The following MEIS1 variants were observed in gnomAD, a reference collection of about 807,000 sequenced individuals.
MEIS1 encodes the protein Meis homeobox 1.
MEIS1 carries 5 observed loss-of-function variants against 50.8 expected under a neutral mutation model. The observed-to-expected ratio is 0.10, with a 90% confidence interval of 0.05 to 0.21. The LOEUF is 0.21. Among genes scored for constraint, MEIS1 ranks in the 10% least tolerant of loss-of-function variants. The probability of loss-of-function intolerance (pLI) is 1.00; values close to 1 mark genes in which losing one functional copy is unlikely to be tolerated. For synonymous variants in MEIS1, 176 were observed against 179.3 expected (o/e 0.98, Z 0.15); for missense variants, 318 against 517.3 (o/e 0.61, Z 3.74).
chr2:66,439,545 C>T, intron 2 of MEIS1: 1 of 1,504,184 alleles, frequency 6.6e-7, no homozygotes, highest in Non-Finnish European at 8.9e-7. Flanking sequence ...AAAATGGCTG[C>T]TGGAAACGCT....
intron 7 of MEIS1, among the ~76,000 whole-genome samples, chr2:66,509,765 G>A (rs969898481): frequency 1.8e-4 from 27 of 152,184 alleles, no homozygotes; most frequent in Admixed American, 6.5e-5. Flanking sequence ...CTCAAGGCAC[G>A]CTTTCAGGAA....
intron 7 of MEIS1, chr2:66,509,037 A>G (rs1332871609): frequency 6.4e-6 from 3 of 471,332 alleles, no homozygotes; most frequent in Non-Finnish European, 1.3e-5. Context: ...TTGTTTAGTG[A>G]TCTCAAAAGT....
intron 7 of MEIS1, among the ~76,000 whole-genome samples, chr2:66,497,498 T>G (rs1327451333): frequency 3.3e-5 from 5 of 152,242 alleles, no homozygotes; most frequent in African/African-American, 7.2e-5. Flanking sequence ...AAGTTAGTCC[T>G]GTTTTTCGGT....
chr2:66,573,519 T>G lies in MEIS1; in HGVS notation c.*2311T>G, dbSNP rs890683370. On this transcript the variant is annotated 3_prime_UTR_variant, in exon 13 of 13. Coordinates refer to ENST00000272369, the MANE Select transcript of MEIS1 (RefSeq NM_002398.3). ...CGGCCCTTAGCAATTCTATTTTCTA[T>G]TCGAAAAGAGAAACCAGCTGTGGGT... The G allele has an allele frequency of 6.6e-6, 1 of 152,226 alleles. No individual in the cohort carries two copies. Among genetic ancestry groups the G allele is most frequent in the African/African-American group, 2.4e-5 (1 of 41,454 alleles). 9.4% of individuals were successfully genotyped at this position (152,226 alleles called of 1,614,324 possible). A position where few individuals can be genotyped will look rare whatever the true frequency, so the allele number is the denominator to read the frequency against.
chr2:66,562,163 G>A (rs1675235246), intron 9 of MEIS1: 1 of 144,056 alleles, frequency 6.9e-6, no homozygotes. Context: ...ACTACCTTGT[G>A]TTTTGGCTCC....
chr2:66,527,513 A>G (rs1286702262), intron 8 of MEIS1, among the ~76,000 whole-genome samples: 2 of 151,952 alleles, frequency 1.3e-5, no homozygotes, highest in African/African-American at 2.4e-5. Context: ...GGTCAACCAG[A>G]GCTGGGGGCC....
chr2:66,450,978 G>T (rs1230651219), intron 6 of MEIS1, among the ~76,000 whole-genome samples: 1 of 151,940 alleles, frequency 6.6e-6, no homozygotes, highest in African/African-American at 2.4e-5. Context: ...GAGCTAGTTT[G>T]CTAGGTCTCA....
chr2:66,495,868 A>G (rs1673389932), intron 7 of MEIS1, among the ~76,000 whole-genome samples: 1 of 152,184 alleles, frequency 6.6e-6, no homozygotes, highest in African/African-American at 2.4e-5. Context: ...CAAAGAGTGT[A>G]GCAAGTTCAG....
intron 7 of MEIS1, among the ~76,000 whole-genome samples, chr2:66,493,234 A>G (rs1572851978): frequency 6.6e-6 from 1 of 152,334 alleles, no homozygotes; most frequent in Non-Finnish European, 1.5e-5. Flanking sequence ...TCTTGAAGGC[A>G]TAAATTGGAA....
chr2:66,440,084 C>CACACACACACAA lies in MEIS1; in HGVS notation c.381+108_381+109insACAAACACACAC, dbSNP rs756093514. 8.2e-6 allele frequency: 9 copies of CACACACACACAA among 1,100,464 alleles called. No homozygotes were observed. In the African/African-American group the frequency reaches 1.5e-4, roughly 18 times the overall value. The allele number at this position is 1,100,464 out of a possible 1,614,324, so 68.2% of individuals were successfully genotyped here. The stretch of plus-strand genomic sequence containing the variant: ...GCGCGCGCGAACACACACACACACA[C>CACACACACACAA]ACACACACGGCACACTTTCAAAAGT... On this transcript the variant is annotated intron_variant, in intron 3 of 12. Coordinates refer to ENST00000272369, the MANE Select transcript of MEIS1 (RefSeq NM_002398.3).
chr2:66,557,452 A>G (rs1208133144), intron 9 of MEIS1, among the ~76,000 whole-genome samples: 2 of 152,140 alleles, frequency 1.3e-5, no homozygotes, highest in Non-Finnish European at 2.9e-5. Flanking sequence ...TCTCTCTCCA[A>G]CAGCTCCTGG....
intron 8 of MEIS1, among the ~76,000 whole-genome samples, chr2:66,521,724 G>T (rs1674126347): frequency 6.6e-6 from 1 of 152,188 alleles, no homozygotes; most frequent in Non-Finnish European, 1.5e-5. Flanking sequence ...CTGTCTGTAT[G>T]AATAGAATTT....
chr2:66,452,718 A>G (rs990610373), intron 6 of MEIS1, among the ~76,000 whole-genome samples: 2 of 151,938 alleles, frequency 1.3e-5, no homozygotes, highest in Non-Finnish European at 2.9e-5. Flanking sequence ...CCTGTCCTTA[A>G]TGTGTTCCAA....
intron 6 of MEIS1, 66 bp downstream of exon 6, chr2:66,443,114 G>A: frequency 1.3e-6 from 2 of 1,487,068 alleles, no homozygotes; most frequent in Non-Finnish European, 1.8e-6. Flanking sequence ...TGCTTGCTGG[G>A]TCACTACCAC....
intron 8 of MEIS1, among the ~76,000 whole-genome samples, chr2:66,526,434 T>A (rs1272320311): frequency 6.6e-6 from 1 of 152,202 alleles, no homozygotes; most frequent in African/African-American, 2.4e-5. Flanking sequence ...GCAGGGTGCC[T>A]ACTTTATTTC....
chr2:66,494,909 T>C (rs1305485154), intron 7 of MEIS1, among the ~76,000 whole-genome samples: 1 of 151,912 alleles, frequency 6.6e-6, no homozygotes, highest in East Asian at 1.9e-4. Flanking sequence ...TTTGGGGAAG[T>C]AGGGGAACTT....
chr2:66,544,617 G>A (rs909594295), intron 8 of MEIS1, among the ~76,000 whole-genome samples: 1 of 151,958 alleles, frequency 6.6e-6, no homozygotes, highest in African/African-American at 2.4e-5. Flanking sequence ...ATTTGTCCAG[G>A]CTCATTCATT....
chr2:66,567,587 T>C (rs750934202), intron 10 of MEIS1, 76 bp downstream of exon 10: 13 of 1,376,982 alleles, frequency 9.4e-6, no homozygotes, highest in Non-Finnish European at 1.3e-5. Flanking sequence ...GGAGGTCCGC[T>C]ACCTGGTAAA....
At chr2:66,493,780 A>T (rs1364790688) in intron 7 of MEIS1, among the ~76,000 whole-genome samples, 1 of 152,178 alleles carries the variant, frequency 6.6e-6, no homozygotes, top group Admixed American at 6.6e-5. Flanking sequence ...TCTCTAATGT[A>T]CTTTCTAATA....
Sources: gnomAD v4.1 joint callset for allele counts (sites outside exome capture counted in the v4.1 genomes callset) on GRCh38, gnomAD v4.1.1 for gene constraint, MANE v1.5 for transcripts, NCBI Gene and HGNC (gene_info 2026-07-23, HGNC 2026-07-21) for gene names.